The following MAPK10 variants were observed in gnomAD, a reference collection of about 807,000 sequenced individuals.
The protein encoded by MAPK10 is mitogen-activated protein kinase 10, also known as JNK3 alpha protein kinase.
MAPK10 carries 25 observed loss-of-function variants against 59.3 expected under a neutral mutation model. The ratio of observed to expected loss-of-function variants is 0.42; its 90% CI spans 0.31 to 0.59. The LOEUF is 0.59. Ranked by LOEUF, MAPK10 falls within the 20% of genes least tolerant of loss-of-function variation. The probability of loss-of-function intolerance (pLI) is 0.15; values close to 1 mark genes in which losing one functional copy is unlikely to be tolerated. For synonymous variants in MAPK10, 190 were observed against 200.5 expected (o/e 0.95, Z 0.44); for missense variants, 351 against 568.9 (o/e 0.62, Z 3.90).
chr4:86,020,518 G>A (rs187228007), intron 13 of MAPK10: 4 of 167,018 alleles, frequency 2.4e-5, no homozygotes, highest in African/African-American at 2.4e-5. Flanking sequence ...AACTGTGTCC[G>A]GAATTGGTGG....
intron 1 of MAPK10, among the ~76,000 whole-genome samples, chr4:86,574,435 T>C (rs1434614142): frequency 6.6e-6 from 1 of 151,530 alleles, no homozygotes; most frequent in Non-Finnish European, 1.5e-5. Context: ...ATGGGATGGC[T>C]GGGTCAAATG....
chr4:86,233,258 T>A (rs1435712674), intron 2 of MAPK10, among the ~76,000 whole-genome samples: 1 of 152,116 alleles, frequency 6.6e-6, no homozygotes, highest in East Asian at 1.9e-4. Context: ...CATACATTTA[T>A]CTAGTTTGGG....
intron 1 of MAPK10, among the ~76,000 whole-genome samples, chr4:86,452,664 C>G (rs1438957520): frequency 6.6e-6 from 1 of 152,124 alleles, no homozygotes; most frequent in African/African-American, 2.4e-5. Context: ...TTCCTGTAAG[C>G]TAAGCTTGCC....
chr4:86,104,191 A>C (rs771358596), intron 5 of MAPK10, among the ~76,000 whole-genome samples: 17 of 152,122 alleles, frequency 1.1e-4, no homozygotes, highest in Non-Finnish European at 1.8e-4. Context: ...ACACCTGAGA[A>C]ATTGACTCAA....
At chr4:86,031,329 A>G (rs745969456) in intron 12 of MAPK10, 39 bp downstream of exon 12, 5 of 1,418,832 alleles carry the variant, frequency 3.5e-6, no homozygotes, top group Middle Eastern at 1.8e-4. Context: ...TCTGAGTTCA[A>G]TAAAATAAAA....
chr4:86,315,080 A>G (rs1386844567), intron 2 of MAPK10, among the ~76,000 whole-genome samples: 1 of 152,156 alleles, frequency 6.6e-6, no homozygotes, highest in African/African-American at 2.4e-5. Context: ...CTTTGATGAC[A>G]CACATAAAAT....
At chr4:86,382,312 C>A (rs903395467) in intron 1 of MAPK10, among the ~76,000 whole-genome samples, 5 of 152,124 alleles carry the variant, frequency 3.3e-5, no homozygotes, top group African/African-American at 9.7e-5. Flanking sequence ...ACTGACCCCC[C>A]ACTCAGTCTT....
At chr4:86,297,263 A>T (rs185590786) in intron 2 of MAPK10, among the ~76,000 whole-genome samples, 2 of 152,306 alleles carry the variant, frequency 1.3e-5, no homozygotes, top group East Asian at 3.9e-4. Context: ...ATAGTTACAT[A>T]AAAACTATAA....
chr4:86,505,517 T>C (rs1019548937), intron 1 of MAPK10, among the ~76,000 whole-genome samples: 4 of 152,020 alleles, frequency 2.6e-5, no homozygotes, highest in Admixed American at 2.6e-4. Flanking sequence ...TTGAGCCTAG[T>C]TCAAGGCTGT....
At chr4:86,557,521 AT>A (rs1651666068) in intron 1 of MAPK10, among the ~76,000 whole-genome samples, 2 of 152,206 alleles carry the variant, frequency 1.3e-5, no homozygotes, top group South Asian at 4.1e-4. Flanking sequence ...TGAGCAATCA[AT>A]TAGGAAATAA....
chr4:86,410,222 G>T (rs1202999648), intron 1 of MAPK10, among the ~76,000 whole-genome samples: 1 of 152,152 alleles, frequency 6.6e-6, no homozygotes, highest in Non-Finnish European at 1.5e-5. Flanking sequence ...TGCATTTGTT[G>T]AACCAGCCTT....
At chr4:86,098,832 T>C (rs1246365222) in intron 8 of MAPK10, 3 of 426,196 alleles carry the variant, frequency 7.0e-6, no homozygotes, top group African/African-American at 4.0e-5. Context: ...GTGCCTTACA[T>C]TGCCTCTCAG....
chr4:86,073,436 C>G (rs1349358299), intron 9 of MAPK10, among the ~76,000 whole-genome samples: 3 of 147,666 alleles, frequency 2.0e-5, no homozygotes, highest in African/African-American at 7.3e-5. Flanking sequence ...CTTCTGCTAG[C>G]TTTTGAATGT....
chr4:86,139,662 C>A (rs1201559970), intron 4 of MAPK10, among the ~76,000 whole-genome samples: 29 of 152,242 alleles, frequency 1.9e-4, no homozygotes, highest in Admixed American at 1.3e-3. Flanking sequence ...GCAATGGCAA[C>A]AAAAGACAAA....
chr4:86,382,372 G>A (rs756414566), intron 1 of MAPK10, among the ~76,000 whole-genome samples: 10 of 152,122 alleles, frequency 6.6e-5, no homozygotes, highest in Non-Finnish European at 1.5e-4. Context: ...TGCCTGGCCA[G>A]CCCCACATGA....
Position 86,017,497 on chromosome 4 carries a change from T to G in MAPK10, c.1253-127A>C, listed in dbSNP as rs1353660914. ...AGTCCATCAATCATTTGGCAAGCCT[T>G]TATAGAGCAGCTGACATAGGGGAGC... On this transcript the variant is annotated intron_variant, in intron 13 of 13. Transcript: ENST00000641462. This position sits in a 1 kb window ranked among gnomAD's most constrained non-coding sequence, Gnocchi z 4.4. 2.0e-6 allele frequency: 2 copies of G among 995,476 alleles called. No homozygotes were observed. Among genetic ancestry groups the G allele is most frequent in the African/African-American group, 1.6e-5 (1 of 62,066 alleles). 61.7% of individuals were successfully genotyped at this position (995,476 alleles called of 1,614,324 possible).
intron 1 of MAPK10, among the ~76,000 whole-genome samples, chr4:86,449,763 G>A (rs1470831589): frequency 4.6e-5 from 7 of 152,332 alleles, no homozygotes; most frequent in East Asian, 1.9e-4. Context: ...AGTCACTTCC[G>A]TGATTGTTAC....
intron 1 of MAPK10, among the ~76,000 whole-genome samples, chr4:86,366,464 T>A (rs1466769812): frequency 1.3e-5 from 2 of 152,250 alleles, no homozygotes; most frequent in East Asian, 3.9e-4. Flanking sequence ...AATTGCTGAA[T>A]GAGCCAATAA....
chr4:86,520,238 C>T (rs111652745), intron 1 of MAPK10, among the ~76,000 whole-genome samples: 151 of 152,234 alleles, frequency 9.9e-4, no homozygotes, highest in African/African-American at 3.3e-3. Context: ...TATCTTCTTC[C>T]GTGGAACACC....
Sources: allele counts gnomAD v4.1 joint callset (sites outside exome capture counted in the v4.1 genomes callset), GRCh38; gene constraint gnomAD v4.1.1; non-coding constraint Gnocchi (gnomAD v3.1); transcripts MANE v1.5; gene names NCBI Gene and HGNC (gene_info 2026-07-23, HGNC 2026-07-21).